The following EMID1 variants were observed in gnomAD, a reference collection of about 807,000 sequenced individuals.
The protein encoded by EMID1 is EMI domain containing 1.
EMID1 carries 40 observed loss-of-function variants against 60.6 expected under a neutral mutation model. That is an observed-to-expected ratio of 0.66 (90% CI 0.51 to 0.86). The LOEUF is 0.86. Ranked by LOEUF, EMID1 falls within the 40% of genes least tolerant of loss-of-function variation. The pLI is 0.00. For missense variants in EMID1, 585 were observed against 597.1 expected, an observed-to-expected ratio of 0.98 and a Z score of 0.21; for synonymous variants, 242 against 231.0, an observed-to-expected ratio of 1.05 and a Z score of -0.43.
intron 14 of EMID1, among the ~76,000 whole-genome samples, chr22:29,258,401 C>T (rs889663016): frequency 4.6e-5 from 7 of 152,296 alleles, no homozygotes; most frequent in African/African-American, 1.4e-4. Flanking sequence ...AGCTCTTTCC[C>T]CCAACTGGTG....
At chr22:29,208,342 G>A (rs2039756896) in intron 1 of EMID1, among the ~76,000 whole-genome samples, 1 of 152,184 alleles carries the variant, frequency 6.6e-6, no homozygotes, top group Admixed American at 6.5e-5. Flanking sequence ...CCAGGAAGGT[G>A]GTGACACTTG....
chr22:29,233,996 G>C (rs2040847968), intron 10 of EMID1, 141 bp from the exon 11 acceptor site: 1 of 890,582 alleles, frequency 1.1e-6, no homozygotes, highest in Non-Finnish European at 1.7e-6. Flanking sequence ...TGTATGAACT[G>C]ACTGCGGTGT....
In EMID1 at chr22:29,225,156, G is replaced by A; in HGVS notation, c.343G>A (p.Glu115Lys). Residue 115 changes from glutamate to lysine, a missense_variant, in exon 4 of 15, where the codon GAG becomes AAG. Transcript: ENST00000334018. ...AGTTGCAGCTTCCTCTGCCTCCTTG[G>A]AGCCCATGTGGTCGGGCAGTACCAT... ...EEVAASSASL[E>K]PMWSGSTMRR... The A allele has an allele frequency of 1.2e-6, 2 of 1,613,954 alleles. No homozygotes were observed. Among genetic ancestry groups the A allele is most frequent in the Non-Finnish European group, 1.7e-6 (2 of 1,180,004 alleles).
chr22:29,225,339 A>G, intron 4 of EMID1, 123 bp downstream of exon 4: 1 of 993,630 alleles, frequency 1.0e-6, no homozygotes, highest in East Asian at 2.6e-5. Context: ...AAGGACAGTA[A>G]CTATCTTCCC....
rs1400522451 is a variant in EMID1, at chr22:29,233,359, C to T, written c.824-20C>T. On this transcript the variant is annotated intron_variant, in intron 8 of 14. Coordinates refer to ENST00000334018, the MANE Select transcript of EMID1 (RefSeq NM_133455.4). ...CCCACTCTACCCAGCTCTACTCACT[C>T]ATCATCTTTGCTCACCCAGGAGACC... The T allele has an allele frequency of 1.2e-6, 2 of 1,613,274 alleles. No homozygotes were observed. The highest frequency in any genetic ancestry group is 1.1e-5 in the South Asian group (1 of 91,060).
In EMID1 at chr22:29,225,236, C is replaced by A. The variant is rs2040460077; in HGVS notation, c.403+20C>A. ...TCTCAGGTGGGTCCTGGGATAGCTT[C>A]TTGAGGTCCCCCTGGGCTGAGGGAG... On this transcript the variant is annotated intron_variant, in intron 4 of 14. Transcript: ENST00000334018. 6.2e-7 allele frequency: 1 copy of A among 1,612,260 alleles called. No individual in the cohort carries two copies.
At chr22:29,208,642 T>C (rs1197678006) in intron 1 of EMID1, among the ~76,000 whole-genome samples, 1 of 152,212 alleles carries the variant, frequency 6.6e-6, no homozygotes, top group Non-Finnish European at 1.5e-5. Flanking sequence ...TCCCAGCTGA[T>C]GCCCACAGGG....
chr22:29,220,614 G>C (rs1194466680), intron 3 of EMID1, among the ~76,000 whole-genome samples: 1 of 152,064 alleles, frequency 6.6e-6, no homozygotes, highest in East Asian at 1.9e-4. Flanking sequence ...TCTCCAGGGA[G>C]AGAATGTCAT....
intron 10 of EMID1, 141 bp downstream of exon 10, chr22:29,233,807 G>A: frequency 7.0e-6 from 6 of 854,398 alleles, no homozygotes; most frequent in East Asian, 2.7e-5. Flanking sequence ...CATTCAACAA[G>A]TATTTATTGA....
At chr22:29,253,369 G>T (rs538919449) in intron 13 of EMID1, among the ~76,000 whole-genome samples, 2 of 152,346 alleles carry the variant, frequency 1.3e-5, no homozygotes, top group East Asian at 1.9e-4. Flanking sequence ...GATCACCTGA[G>T]GTCAGGAGTT....
chr22:29,224,415 G>T (rs2040419615), intron 3 of EMID1, among the ~76,000 whole-genome samples: 1 of 152,204 alleles, frequency 6.6e-6, no homozygotes, highest in Non-Finnish European at 1.5e-5. Context: ...CAGCTGTGGA[G>T]AAAACCAGTC....
chr22:29,234,861 C>CT (rs550619441), intron 12 of EMID1, among the ~76,000 whole-genome samples: 19 of 147,064 alleles, frequency 1.3e-4, no homozygotes, highest in Non-Finnish European at 1.7e-4. Context: ...TTTTTTTATC[C>CT]TTTTTTTTTT....
chr22:29,217,873 G>A (rs1376439619), intron 3 of EMID1, among the ~76,000 whole-genome samples: 2 of 152,168 alleles, frequency 1.3e-5, no homozygotes, highest in African/African-American at 4.8e-5. Flanking sequence ...TCCTGCTGGT[G>A]CCCACTCTTG....
At chr22:29,240,298 G>A (rs1017034152) in intron 12 of EMID1, among the ~76,000 whole-genome samples, 1 of 152,162 alleles carries the variant, frequency 6.6e-6, no homozygotes, top group Admixed American at 6.5e-5. Context: ...AGCTGGAAGT[G>A]GGTATTTCGC....
chr22:29,249,754 G>A (rs1009054675), intron 13 of EMID1, among the ~76,000 whole-genome samples: 1 of 151,530 alleles, frequency 6.6e-6, no homozygotes, highest in Non-Finnish European at 1.5e-5. Context: ...AGCTGGGATT[G>A]CAGGTGCCTG....
chr22:29,256,708 G>C (rs1248601286), intron 14 of EMID1, among the ~76,000 whole-genome samples: 1 of 152,084 alleles, frequency 6.6e-6, no homozygotes, highest in African/African-American at 2.4e-5. Flanking sequence ...GGATGAGGAA[G>C]AGTCACTTGT....
intron 3 of EMID1, among the ~76,000 whole-genome samples, chr22:29,217,976 AGGAG>A (rs1406295456): frequency 1.8e-3 from 271 of 152,308 alleles, no homozygotes; most frequent in African/African-American, 6.3e-3. Flanking sequence ...GGGCCAAAGG[AGGAG>A]AGGGAACACC....
At chr22:29,240,506 C>G (rs1692151933) in intron 12 of EMID1, among the ~76,000 whole-genome samples, 1 of 152,168 alleles carries the variant, frequency 6.6e-6, no homozygotes, top group Admixed American at 6.5e-5. Flanking sequence ...TAATCTAAGC[C>G]CAGGGCATAA....
In EMID1 at chr22:29,231,029, C is replaced by T. The variant is rs1388576195; in HGVS notation, c.475C>T (p.Leu159=). The T allele has an allele frequency of 6.2e-7, 1 of 1,613,350 alleles. No homozygotes were observed. Among genetic ancestry groups the T allele is most frequent in the Non-Finnish European group, 8.5e-7 (1 of 1,179,660 alleles). Residue 159 remains leucine, a synonymous_variant, in exon 6 of 15, where the codon CTG becomes TTG. Transcript: ENST00000334018. Reference sequence around the variant, plus strand: ...CTGTCTTCCTCTTCAGATGACCATGCTGACTGTCATAGAGCAGCCAGTACC... The same window carrying T: ...CTGTCTTCCTCTTCAGATGACCATGTTGACTGTCATAGAGCAGCCAGTACC... ...LKVLEAKMTM[L]TVIEQPVPPT...
Sources: gnomAD v4.1 joint callset for allele counts (sites outside exome capture counted in the v4.1 genomes callset) on GRCh38, gnomAD v4.1.1 for gene constraint, MANE v1.5 for transcripts, NCBI Gene and HGNC (gene_info 2026-07-23, HGNC 2026-07-21) for gene names.